ETFA: variants seen among roughly 807,000 people sequenced by gnomAD.
The protein encoded by ETFA is electron transfer flavoprotein subunit alpha, mitochondrial.
Under a neutral mutation model 46.2 loss-of-function variants are expected in ETFA, and 22 were observed. The ratio of observed to expected loss-of-function variants is 0.48; its 90% CI spans 0.34 to 0.68. The LOEUF (loss-of-function observed/expected upper bound fraction) is 0.68, where lower values mean the gene tolerates loss of function less well. Ranked by LOEUF, ETFA falls within the 30% of genes least tolerant of loss-of-function variation. ETFA has a pLI of 0.01. For missense variants in ETFA, 345 were observed against 401.1 expected (o/e 0.86, Z 1.19); for synonymous variants, 131 against 139.9 (o/e 0.94, Z 0.45).
intron 1 of ETFA, among the ~76,000 whole-genome samples, chr15:76,304,423 T>C (rs2039916179): frequency 6.6e-6 from 1 of 152,164 alleles, no homozygotes; most frequent in Admixed American, 6.6e-5. Flanking sequence ...TCTGCACAGA[T>C]ACCCTGCAAA....
At chr15:76,237,478 C>T (rs1567199450) in intron 9 of ETFA, among the ~76,000 whole-genome samples, 2 of 152,164 alleles carry the variant, frequency 1.3e-5, no homozygotes, top group Non-Finnish European at 2.9e-5. Flanking sequence ...CTACATTATT[C>T]AATCATTACA....
intron 11 of ETFA, chr15:76,217,539 G>C: frequency 2.3e-6 from 1 of 433,934 alleles, no homozygotes; most frequent in South Asian, 1.6e-5. Context: ...ACAGCAAGGG[G>C]AAATGGCCTG....
At chr15:76,256,503 T>A (rs906625226) in intron 9 of ETFA, among the ~76,000 whole-genome samples, 4 of 152,302 alleles carry the variant, frequency 2.6e-5, no homozygotes, top group African/African-American at 9.6e-5. Flanking sequence ...GGCATTTGCA[T>A]TTTTCGCAGA....
intron 11 of ETFA, among the ~76,000 whole-genome samples, chr15:76,224,282 C>A (rs2038984056): frequency 6.6e-6 from 1 of 152,154 alleles, no homozygotes; most frequent in Non-Finnish European, 1.5e-5. Context: ...ACACTTGGGC[C>A]AGGCAACATG....
At chr15:76,259,392 G>A in intron 9 of ETFA, 1 of 1,367,050 alleles carries the variant, frequency 7.3e-7, no homozygotes, top group South Asian at 1.1e-5. Context: ...GTCGTCTGAA[G>A]GCCTAAGGAG....
At chr15:76,283,960 C>A in intron 7 of ETFA, 135 bp from the exon 8 acceptor site, 1 of 652,582 alleles carries the variant, frequency 1.5e-6, no homozygotes, top group Non-Finnish European at 2.8e-6. Flanking sequence ...CCTCTATAAA[C>A]CTTTTCTGGC....
intron 9 of ETFA, 92 bp downstream of exon 9, chr15:76,274,320 G>T: frequency 1.0e-6 from 1 of 988,200 alleles, no homozygotes. Flanking sequence ...GGAACACTGA[G>T]TAAGGTAAAT....
At chr15:76,247,189 T>C (rs772697274) in intron 9 of ETFA, among the ~76,000 whole-genome samples, 1 of 138,694 alleles carries the variant, frequency 7.2e-6, no homozygotes, top group Non-Finnish European at 1.6e-5. Flanking sequence ...CAGGAGTCAC[T>C]ATTCAAATTT....
chr15:76,244,270 A>C (rs2039223125), intron 9 of ETFA, among the ~76,000 whole-genome samples: 1 of 152,234 alleles, frequency 6.6e-6, no homozygotes, highest in Admixed American at 6.5e-5. Context: ...GCACCTTCTA[A>C]AATTGTAAGA....
intron 5 of ETFA, 71 bp downstream of exon 5, chr15:76,287,775 A>G: frequency 9.0e-7 from 1 of 1,105,738 alleles, no homozygotes; most frequent in South Asian, 1.3e-5. Context: ...TTAAAATTCT[A>G]TCTTCAAGAT....
At position 76,309,451 on chromosome 15, in the gene ETFA, AAAAC is replaced by A. The variant is rs373119226; in HGVS notation, c.39+1895_39+1898del. Among the ~76,000 whole-genome samples, 184 of 152,232 alleles carry A rather than the reference AAAAC, an allele frequency of 1.2e-3. 1 individual carries two copies. Among genetic ancestry groups the A allele is most frequent in the African/African-American group, 4.2e-3 (173 of 41,530 alleles). ...GGGCGACAGAGCGAGACTCCGTCTC[AAAAC>A]AAACAAACAAACAAACAAAAAAAAC... is the stretch of plus-strand genomic sequence containing the variant. On this transcript the variant is annotated intron_variant, in intron 1 of 11. Coordinates refer to ENST00000557943, the MANE Select transcript of ETFA (RefSeq NM_000126.4).
At chr15:76,254,117 C>G (rs1237698106) in intron 9 of ETFA, among the ~76,000 whole-genome samples, 4 of 152,166 alleles carry the variant, frequency 2.6e-5, no homozygotes, top group African/African-American at 9.7e-5. Flanking sequence ...AGATTCCCCA[C>G]AGGGATAAAA....
chr15:76,298,156 C>T (rs2039845224), intron 1 of ETFA, among the ~76,000 whole-genome samples: 1 of 152,040 alleles, frequency 6.6e-6, no homozygotes, highest in Admixed American at 6.5e-5. Flanking sequence ...AATTCTCCTG[C>T]CTCAGCCTGC....
intron 10 of ETFA, chr15:76,228,034 GT>G (rs1240483066): frequency 3.5e-5 from 16 of 451,594 alleles, no homozygotes; most frequent in South Asian, 1.9e-4. Flanking sequence ...GCATTGGCGT[GT>G]TTCTCTTTTG....
At chr15:76,266,201 A>G (rs1316186711) in intron 9 of ETFA, among the ~76,000 whole-genome samples, 2 of 152,210 alleles carry the variant, frequency 1.3e-5, no homozygotes, top group Admixed American at 1.3e-4. Context: ...CCAAAATACT[A>G]GCCTCTTATA....
intron 9 of ETFA, among the ~76,000 whole-genome samples, chr15:76,245,893 A>G (rs1238437233): frequency 1.3e-5 from 2 of 152,256 alleles, no homozygotes; most frequent in African/African-American, 2.4e-5. Context: ...TTAAAAGGCC[A>G]TAGAAATTAA....
intron 9 of ETFA, among the ~76,000 whole-genome samples, chr15:76,272,888 A>G (rs1567211392): frequency 1.3e-5 from 2 of 151,330 alleles, no homozygotes. Context: ...CATCTGCTCA[A>G]TAAATCCACT....
At position 76,287,881 on chromosome 15, in the gene ETFA, T is replaced by A. The variant is rs1468270929; in HGVS notation, c.416A>T (p.Lys139Met). ...AGTTCTCACAAATGTGTCAGGTGAC[T>A]TGATTGCAATGATGTCAGAAATCGG... ...VAPISDIIAI[K>M]SPDTFVRTIY... Residue 139 changes from lysine to methionine, a missense_variant, in exon 5 of 12, where the codon AAG becomes ATG. By Grantham distance (95) the Lys-to-Met change is moderately conservative. Coordinates refer to ENST00000557943, the MANE Select transcript of ETFA (RefSeq NM_000126.4). 6.2e-7 allele frequency: 1 copy of A among 1,613,994 alleles called. No homozygotes were observed. The highest frequency in any genetic ancestry group is 1.1e-5 in the South Asian group (1 of 91,084).
At chr15:76,290,798 A>G (rs544398764) in intron 4 of ETFA, among the ~76,000 whole-genome samples, 5 of 152,338 alleles carry the variant, frequency 3.3e-5, no homozygotes, top group African/African-American at 1.2e-4. Flanking sequence ...TATACTTCTA[A>G]AGAGGGGAGG....
Sources: allele counts gnomAD v4.1 joint callset (sites outside exome capture counted in the v4.1 genomes callset), GRCh38; gene constraint gnomAD v4.1.1; transcripts MANE v1.5; gene names NCBI Gene and HGNC (gene_info 2026-07-23, HGNC 2026-07-21).